The following SPRED1 variants were observed in gnomAD, a reference collection of about 807,000 sequenced individuals.
SPRED1 encodes sprouty related EVH1 domain containing 1.
Under a neutral mutation model 52.3 loss-of-function variants are expected in SPRED1, and 18 were observed. That is an observed-to-expected ratio of 0.34 (90% CI 0.24 to 0.51). The LOEUF (loss-of-function observed/expected upper bound fraction) is 0.51. Among genes scored for constraint, SPRED1 ranks in the 20% least tolerant of loss-of-function variants. The pLI, the probability that SPRED1 is intolerant of heterozygous loss-of-function variation, is 0.97. For synonymous variants in SPRED1, 155 were observed against 179.7 expected (o/e 0.86, Z 1.10); for missense variants, 485 against 551.0 (o/e 0.88, Z 1.20).
chr15:38,307,752 G>C (rs982414765), intron 2 of SPRED1, among the ~76,000 whole-genome samples: 7 of 152,144 alleles, frequency 4.6e-5, no homozygotes, highest in Admixed American at 4.6e-4. Flanking sequence ...TTTAGTATCT[G>C]CTAGTGCTAG....
chr15:38,354,022 A>G lies in SPRED1; in HGVS notation c.*2358A>G, dbSNP rs1391952052. 1 of 152,562 alleles carries G rather than the reference A, an allele frequency of 6.6e-6. No individual in the cohort carries two copies. The highest frequency in any genetic ancestry group is 1.5e-5 in the Non-Finnish European group (1 of 68,006). 9.5% of individuals were successfully genotyped at this position (152,562 alleles called of 1,614,324 possible). ...ATTTTTTCCTTTACAATTTTAAACA[A>G]GTTTCTTCATTAAAAACTATGGTGA... On this transcript the variant is annotated 3_prime_UTR_variant, in exon 7 of 7. Transcript: ENST00000299084.
chr15:38,261,205 ATTAT>A (rs1246894997), intron 1 of SPRED1, among the ~76,000 whole-genome samples: 1 of 152,214 alleles, frequency 6.6e-6, no homozygotes, highest in Non-Finnish European at 1.5e-5. Flanking sequence ...ATAGAGACAA[ATTAT>A]TTTTCTGCTC....
intron 2 of SPRED1, among the ~76,000 whole-genome samples, chr15:38,314,968 C>T: frequency 6.6e-6 from 1 of 151,644 alleles, no homozygotes; most frequent in East Asian, 1.9e-4. Flanking sequence ...GTCTAAAGTC[C>T]CACTCAGCTC....
intron 5 of SPRED1, among the ~76,000 whole-genome samples, chr15:38,342,039 T>TTC (rs1896041543): frequency 4.0e-5 from 6 of 149,038 alleles, no homozygotes; most frequent in African/African-American, 1.5e-4. Flanking sequence ...TTTTTTTTTT[T>TTC]TTTTCCCCCA....
intron 2 of SPRED1, among the ~76,000 whole-genome samples, chr15:38,317,086 TTACTA>T (rs1895504084): frequency 6.6e-6 from 1 of 151,864 alleles, no homozygotes; most frequent in African/African-American, 2.4e-5. Context: ...AAATTTATCT[TTACTA>T]TCTATTTTAT....
chr15:38,340,560 T>C (rs903952551), intron 5 of SPRED1, among the ~76,000 whole-genome samples: 2 of 151,928 alleles, frequency 1.3e-5, no homozygotes, highest in Admixed American at 1.3e-4. Context: ...TGAGACAGAG[T>C]CTCGCTCTGT....
intron 1 of SPRED1, among the ~76,000 whole-genome samples, chr15:38,285,134 A>AT (rs913553894): frequency 1.3e-5 from 2 of 151,854 alleles, no homozygotes; most frequent in African/African-American, 4.8e-5. Context: ...CAAGTAATGT[A>AT]TTTTTACATT....
intron 4 of SPRED1, among the ~76,000 whole-genome samples, chr15:38,334,702 C>T (rs1182960574): frequency 2.0e-5 from 3 of 151,904 alleles, no homozygotes; most frequent in Non-Finnish European, 4.4e-5. Context: ...TGTCATATAT[C>T]TTAATTTTTG....
Position 38,339,880 on chromosome 15 carries a change from A to C in SPRED1, c.567A>C (p.Gln189His), listed in dbSNP as rs764990934. The C allele has an allele frequency of 6.2e-7, 1 of 1,613,890 alleles. No individual in the cohort carries two copies. Among genetic ancestry groups the C allele is most frequent in the South Asian group, 1.1e-5 (1 of 91,080 alleles). Residue 189 changes from glutamine to histidine, a missense_variant, in exon 5 of 7, where the codon CAA becomes CAC. By Grantham distance (24) the Gln-to-His change is conservative. Transcript: ENST00000299084. The stretch of plus-strand genomic sequence containing the variant: ...TGAATGCCAGAAGAGTCTACATGCA[A>C]AGCCAAGCCAATCAGGTAAGAAGAT... ...EDLNARRVYM[Q>H]SQANQITFGQ...
At chr15:38,350,932 T>TCTGGACACTGGCCCCAC in intron 6 of SPRED1, 82 bp from the exon 7 acceptor site, 1 of 1,323,076 alleles carries the variant, frequency 7.6e-7, no homozygotes, top group Non-Finnish European at 1.1e-6. Flanking sequence ...TCAACAAATA[T>TCTGGACACTGGCCCCAC]CTGGACACTG....
intron 4 of SPRED1, among the ~76,000 whole-genome samples, chr15:38,335,156 G>A (rs1182820188): frequency 6.6e-6 from 1 of 152,000 alleles, no homozygotes; most frequent in African/African-American, 2.4e-5. Context: ...CCCAGGAAGA[G>A]AGGGCTCATT....
At chr15:38,300,227 T>C (rs932969191) in intron 2 of SPRED1, among the ~76,000 whole-genome samples, 2 of 152,174 alleles carry the variant, frequency 1.3e-5, no homozygotes, top group African/African-American at 4.8e-5. Context: ...TATGGAAAGC[T>C]CCTTCACTTT....
In SPRED1 at chr15:38,271,966, A is replaced by T. The variant is rs141425328; in HGVS notation, c.32+18749A>T. On this transcript the variant is annotated intron_variant, in intron 1 of 6. Transcript: ENST00000299084. Reference sequence around the variant, plus strand: ...TGTTCCCATCTTTATGTCCAGGAGTACCCAATATTTGGCTCCCCCTTGTAA... The same window carrying T: ...TGTTCCCATCTTTATGTCCAGGAGTTCCCAATATTTGGCTCCCCCTTGTAA... Among the ~76,000 whole-genome samples, 223 of 152,158 alleles carry T rather than the reference A, an allele frequency of 1.5e-3. 2 individuals are homozygous for T. Among genetic ancestry groups the T allele is most frequent in the African/African-American group, 4.8e-3 (201 of 41,514 alleles).
Position 38,351,306 on chromosome 15 carries a change from G to C in SPRED1, c.977G>C (p.Arg326Thr), listed in dbSNP as rs750890621. 1.2e-6 allele frequency: 2 copies of C among 1,614,112 alleles called. No individual in the cohort carries two copies. The highest frequency in any genetic ancestry group is 1.7e-6 in the Non-Finnish European group (2 of 1,180,014). The change falls in exon 7 of 7, where the codon AGA (arginine) becomes ACA (threonine). Residue 326 changes from arginine to threonine, a missense_variant. Coordinates refer to ENST00000299084, the MANE Select transcript of SPRED1 (RefSeq NM_152594.3). ...SSLKIKKSKR[R>T]KEDGERSRCV... ...TTAAAAATTAAGAAGTCAAAACGAA[G>C]AAAAGAGGATGGTGAACGTTCTCGC...
chr15:38,285,159 A>G (rs1027759743), intron 1 of SPRED1, among the ~76,000 whole-genome samples: 5 of 152,010 alleles, frequency 3.3e-5, no homozygotes, highest in East Asian at 1.9e-4. Context: ...TTGAATAACT[A>G]CTAGGAAAAG....
intron 5 of SPRED1, among the ~76,000 whole-genome samples, chr15:38,347,249 A>C (rs1896157155): frequency 6.6e-6 from 1 of 151,992 alleles, no homozygotes; most frequent in Non-Finnish European, 1.5e-5. Context: ...ATAGGTTACT[A>C]ATTGTCCCCG....
intron 1 of SPRED1, among the ~76,000 whole-genome samples, chr15:38,255,099 A>C (rs1052846184): frequency 1.3e-5 from 2 of 152,168 alleles, no homozygotes; most frequent in African/African-American, 4.8e-5. Context: ...ATTTTTTCTA[A>C]ATGGCCATTT....
At chr15:38,268,896 G>A (rs562614894) in intron 1 of SPRED1, among the ~76,000 whole-genome samples, 50 of 151,750 alleles carry the variant, frequency 3.3e-4, no homozygotes, top group African/African-American at 1.1e-3. Flanking sequence ...AGATTATAAA[G>A]GAGTTGTAGA....
chr15:38,343,025 A>G (rs1343481894), intron 5 of SPRED1, among the ~76,000 whole-genome samples: 1 of 152,158 alleles, frequency 6.6e-6, no homozygotes, highest in Non-Finnish European at 1.5e-5. Context: ...CAGTGAGTTA[A>G]GAAAGAGCGG....
Sources: allele counts gnomAD v4.1 joint callset (sites outside exome capture counted in the v4.1 genomes callset), GRCh38; gene constraint gnomAD v4.1.1; transcripts MANE v1.5; gene names NCBI Gene and HGNC (gene_info 2026-07-23, HGNC 2026-07-21).